The following LGALSL variants were observed in gnomAD, a reference collection of about 807,000 sequenced individuals.
The protein encoded by LGALSL is galectin-related protein.
A neutral mutation model predicts 19.5 loss-of-function variants in LGALSL; 13 were observed. The observed-to-expected ratio is 0.67, with a 90% CI of 0.43 to 1.06. The LOEUF (loss-of-function observed/expected upper bound fraction) is 1.06. LGALSL is among the 50% of genes least tolerant of loss of function. The pLI is 0.00. For synonymous variants in LGALSL, 86 were observed against 78.3 expected, an observed-to-expected ratio of 1.10 and a Z score of -0.52; for missense variants, 189 against 219.3, an observed-to-expected ratio of 0.86 and a Z score of 0.87.
Position 64,456,393 on chromosome 2 carries a change from T to C in LGALSL, c.303T>C (p.Cys101=), listed in dbSNP as rs767755617. The change falls in exon 4 of 5, where the codon TGT becomes TGC. Residue 101 remains cysteine, a synonymous_variant. Coordinates refer to ENST00000238875, the MANE Select transcript of LGALSL (RefSeq NM_014181.3). ...ATCGGCAGCTACTCAGAAATTCTTGTATATCTGGGGAGAGGGGTGAAGAAC... is the reference window on the plus strand; with the variant it reads ...ATCGGCAGCTACTCAGAAATTCTTGCATATCTGGGGAGAGGGGTGAAGAAC... ...FTDRQLLRNS[C]ISGERGEEQS... 3.7e-6 allele frequency: 6 copies of C among 1,612,664 alleles called. No homozygotes were observed. Among genetic ancestry groups the C allele is most frequent in the Non-Finnish European group, 4.2e-6 (5 of 1,179,376 alleles).
In LGALSL at chr2:64,458,323, T is replaced by A; in HGVS notation, c.414T>A (p.Phe138Leu). 6.2e-7 allele frequency: 1 copy of A among 1,614,076 alleles called. No homozygotes were observed. Among genetic ancestry groups the A allele is most frequent in the Middle Eastern group, 1.6e-4 (1 of 6,062 alleles). Reference protein sequence around the residue: ...ILCEHPRFRVFVDGHQLFDFY... With the variant: ...ILCEHPRFRVLVDGHQLFDFY... ...GTGAGCACCCACGTTTCCGAGTGTT[T>A]GTGGATGGACACCAACTTTTTGATT... The change falls in exon 5 of 5, where the codon TTT becomes TTA. Residue 138 changes from phenylalanine to leucine, a missense_variant. Phe to Leu is a conservative substitution (Grantham distance 22). Around this residue, in one of 3 missense-constraint regions of LGALSL, gnomAD observed 106 missense variants for 119.3 expected, o/e 0.89. Transcript: ENST00000238875.
Position 64,457,971 on chromosome 2 carries a change from A to G in LGALSL, c.376-314A>G, listed in dbSNP as rs764780801. Reference sequence around the variant, plus strand: ...GTAATATAAAATAAATGTGACTAGTATCACATATGGAGCCTCCTTACATGG... The same window carrying G: ...GTAATATAAAATAAATGTGACTAGTGTCACATATGGAGCCTCCTTACATGG... On this transcript the variant is annotated intron_variant, in intron 4 of 4. Transcript: ENST00000238875. Among the ~76,000 whole-genome samples, 7 of 152,234 alleles carry G rather than the reference A, an allele frequency of 4.6e-5. No individual in the cohort carries two copies. The East Asian group carries it at 9.6e-4, about 21-fold the overall frequency.
chr2:64,458,523 A>C lies in LGALSL; in HGVS notation c.*95A>C. On this transcript the variant is annotated 3_prime_UTR_variant, in exon 5 of 5. Transcript: ENST00000238875. The stretch of plus-strand genomic sequence containing the variant: ...CCTAGCAAGATCTGGAGACTTAAAA[A>C]GAAAACAAAAACAAATGGCAAGTTT... 1 of 1,286,014 alleles carries C rather than the reference A, an allele frequency of 7.8e-7. No homozygotes were observed. Among genetic ancestry groups the C allele is most frequent in the South Asian group, 1.5e-5 (1 of 66,286 alleles). 79.7% of individuals were successfully genotyped at this position (1,286,014 alleles called of 1,614,324 possible). A position where few individuals can be genotyped will look rare whatever the true frequency, so the allele number is the denominator to read the frequency against.
Position 64,460,944 on chromosome 2 carries a change from C to T in LGALSL, c.*2516C>T, listed in dbSNP as rs1488969321. 1 of 152,102 alleles carries T rather than the reference C, an allele frequency of 6.6e-6. No homozygotes were observed. The highest frequency in any genetic ancestry group is 2.4e-5 in the African/African-American group (1 of 41,412). 9.4% of individuals were successfully genotyped at this position (152,102 alleles called of 1,614,324 possible). On this transcript the variant is annotated 3_prime_UTR_variant, in exon 5 of 5. Coordinates refer to ENST00000238875, the MANE Select transcript of LGALSL (RefSeq NM_014181.3). The stretch of plus-strand genomic sequence containing the variant: ...AGAAAGCAGGCTTTAGACAATCTGT[C>T]CATTTCTACAGTAAAATTGGAGTGA...
intron 4 of LGALSL, among the ~76,000 whole-genome samples, chr2:64,457,600 C>T (rs1686756558): frequency 6.6e-6 from 1 of 152,216 alleles, no homozygotes; most frequent in Admixed American, 6.5e-5. Flanking sequence ...TACCCTTCAT[C>T]TAGAAATTTT....
rs1351005162 is a variant in LGALSL at position 64,454,581 on chromosome 2, G to A, written c.36G>A (p.Val12=). The A allele has an allele frequency of 1.4e-6, 2 of 1,449,062 alleles. No homozygotes were observed. The highest frequency in any genetic ancestry group is 3.0e-5 in the East Asian group (1 of 33,586). The allele number at this position is 1,449,062 out of a possible 1,614,324, so 89.8% of individuals were successfully genotyped here. A position where few individuals can be genotyped will look rare whatever the true frequency, so the allele number is the denominator to read the frequency against. The change falls in exon 1 of 5, where the codon GTG becomes GTA. Residue 12 remains valine (V), a splice_region_variant and synonymous_variant. Transcript: ENST00000238875. This position sits in a 1 kb window ranked among gnomAD's most constrained non-coding sequence, Gnocchi z 5.1. ...AGSVADSDAV[V]KLDDGHLNNS... is the part of the protein sequence containing the mutation. Reference sequence around the variant, plus strand: ...CAGTGGCCGACAGCGATGCCGTGGTGGTGAGTGTGGCAGGGCGCGCGCGAG... The same window carrying A: ...CAGTGGCCGACAGCGATGCCGTGGTAGTGAGTGTGGCAGGGCGCGCGCGAG...
chr2:64,459,357 G>T lies in LGALSL; in HGVS notation c.*929G>T, dbSNP rs146764244. 3.3e-5 allele frequency: 5 copies of T among 152,138 alleles called. No individual in the cohort carries two copies. The highest frequency in any genetic ancestry group is 1.2e-4 in the African/African-American group (5 of 41,426). 9.4% of individuals were successfully genotyped at this position (152,138 alleles called of 1,614,324 possible). A position where few individuals can be genotyped will look rare whatever the true frequency, so the allele number is the denominator to read the frequency against. On this transcript the variant is annotated 3_prime_UTR_variant, in exon 5 of 5. Transcript: ENST00000238875. Reference sequence around the variant, plus strand: ...TGTTATTAATCAAAAACACAAAGAGGTGATTGCTTAGACAATTTTTAAAGT... The same window carrying T: ...TGTTATTAATCAAAAACACAAAGAGTTGATTGCTTAGACAATTTTTAAAGT...
chr2:64,458,509 C>A lies in LGALSL; in HGVS notation c.*81C>A. The A allele has an allele frequency of 1.5e-6, 2 of 1,359,458 alleles. No individual in the cohort carries two copies. The highest frequency in any genetic ancestry group is 1.4e-5 in the South Asian group (1 of 72,060). 84.2% of individuals were successfully genotyped at this position (1,359,458 alleles called of 1,614,324 possible). On this transcript the variant is annotated 3_prime_UTR_variant, in exon 5 of 5. Coordinates refer to ENST00000238875, the MANE Select transcript of LGALSL (RefSeq NM_014181.3). ...TCTGGAAGAAGTGTCCTAGCAAGAT[C>A]TGGAGACTTAAAAAGAAAACAAAAA...
Position 64,455,827 on chromosome 2 carries a change from T to A in LGALSL, c.197+150T>A, listed in dbSNP as rs984507389. The stretch of plus-strand genomic sequence containing the variant: ...AAGTACCATGTTCCCATGAAACGAA[T>A]ATGTATGAATCCCAGCCATCATTTC... On this transcript the variant is annotated intron_variant, in intron 3 of 4. Coordinates refer to ENST00000238875, the MANE Select transcript of LGALSL (RefSeq NM_014181.3). 68 of 663,878 alleles carry A rather than the reference T, an allele frequency of 1.0e-4. 1 individual carries two copies. The highest frequency in any genetic ancestry group is 1.8e-4 in the Non-Finnish European group (64 of 365,224). The allele number at this position is 663,878 out of a possible 1,614,324, so 41.1% of individuals were successfully genotyped here. A position where few individuals can be genotyped will look rare whatever the true frequency, so the allele number is the denominator to read the frequency against.
At chr2:64,455,269 C>T (rs1686715691) in intron 1 of LGALSL, 75 bp from the exon 2 acceptor site, 1 of 937,598 alleles carries the variant, frequency 1.1e-6, no homozygotes, top group South Asian at 1.3e-5. Context: ...GATTCCACCA[C>T]ATCTGTGTGG....
rs745558886 is a variant in LGALSL, at chr2:64,458,468, ACTAT to A, written c.*43_*46del. ...ATTTCAAATAGGATCACGTGCCACA[ACTAT>A]CTGACTGTTGGTCTGGAAGAAGTGT... On this transcript the variant is annotated 3_prime_UTR_variant, in exon 5 of 5. Coordinates refer to ENST00000238875, the MANE Select transcript of LGALSL (RefSeq NM_014181.3). 3 of 1,584,044 alleles carry A rather than the reference ACTAT, an allele frequency of 1.9e-6. No individual in the cohort carries two copies. Among genetic ancestry groups the A allele is most frequent in the Non-Finnish European group, 2.6e-6 (3 of 1,159,508 alleles).
In LGALSL at chr2:64,460,627, G is replaced by A. The variant is rs1686811247; in HGVS notation, c.*2199G>A. On this transcript the variant is annotated 3_prime_UTR_variant, in exon 5 of 5. Transcript: ENST00000238875. ...CAATGTTAACTGTTTGTTTCTCTGTGAGGTTAGTGGGAACCGCTTGGATAA... is the reference window on the plus strand; with the variant it reads ...CAATGTTAACTGTTTGTTTCTCTGTAAGGTTAGTGGGAACCGCTTGGATAA... 1 of 152,210 alleles carries A rather than the reference G, an allele frequency of 6.6e-6. No homozygotes were observed. The highest frequency in any genetic ancestry group is 2.4e-5 in the African/African-American group (1 of 41,452). The allele number at this position is 152,210 out of a possible 1,614,324, so 9.4% of individuals were successfully genotyped here.
rs1270943001 is a variant in LGALSL, at chr2:64,456,449, C to T, written c.359C>T (p.Pro120Leu). 6.3e-7 allele frequency: 1 copy of T among 1,584,006 alleles called. No individual in the cohort carries two copies. Among genetic ancestry groups the T allele is most frequent in the African/African-American group, 1.4e-5 (1 of 73,284 alleles). Reference sequence around the variant, plus strand: ...GCAATCCCTTACTTTCCATTCATTCCAGACCAGCCATTCAGGGTGAGTACC... The same window carrying T: ...GCAATCCCTTACTTTCCATTCATTCTAGACCAGCCATTCAGGGTGAGTACC... ...QSAIPYFPFI[P>L]DQPFRVEILC... Residue 120 changes from proline to leucine, a missense_variant, in exon 4 of 5, where the codon CCA becomes CTA. Around this residue, in one of 3 missense-constraint regions of LGALSL, gnomAD observed 106 missense variants for 119.3 expected, o/e 0.89. Transcript: ENST00000238875.
In LGALSL at chr2:64,454,583, T is replaced by C; in HGVS notation, c.36+2T>C. The C allele has an allele frequency of 6.9e-7, 1 of 1,444,368 alleles. No individual in the cohort carries two copies. Among genetic ancestry groups the C allele is most frequent in the Non-Finnish European group, 9.1e-7 (1 of 1,095,202 alleles). The allele number at this position is 1,444,368 out of a possible 1,614,324, so 89.5% of individuals were successfully genotyped here. A position where few individuals can be genotyped will look rare whatever the true frequency, so the allele number is the denominator to read the frequency against. ...GTGGCCGACAGCGATGCCGTGGTGGTGAGTGTGGCAGGGCGCGCGCGAGGC... is the reference window on the plus strand; with the variant it reads ...GTGGCCGACAGCGATGCCGTGGTGGCGAGTGTGGCAGGGCGCGCGCGAGGC... On this transcript the variant is annotated splice_donor_variant, in intron 1 of 4. Coordinates refer to ENST00000238875, the MANE Select transcript of LGALSL (RefSeq NM_014181.3). LOFTEE classifies it high-confidence loss of function. The surrounding 1 kb of genome is among the most constrained non-coding windows in gnomAD (Gnocchi z 5.1).
chr2:64,458,201 C>A, intron 4 of LGALSL, 84 bp from the exon 5 acceptor site: 1 of 1,283,010 alleles, frequency 7.8e-7, no homozygotes, highest in Non-Finnish European at 1.1e-6. Flanking sequence ...GAAGATACTG[C>A]CTTTCTTTCT....
chr2:64,454,658 G>T lies in LGALSL; in HGVS notation c.36+77G>T. Reference sequence around the variant, plus strand: ...CGCCGCCGCCTGCTCCAGCAGTGCTGGGGTGCTGAGCAGCCGCAGGCCCGG... The same window carrying T: ...CGCCGCCGCCTGCTCCAGCAGTGCTTGGGTGCTGAGCAGCCGCAGGCCCGG... On this transcript the variant is annotated intron_variant, in intron 1 of 4. Coordinates refer to ENST00000238875, the MANE Select transcript of LGALSL (RefSeq NM_014181.3). This position sits in a 1 kb window ranked among gnomAD's most constrained non-coding sequence, Gnocchi z 5.1. 9 of 1,076,040 alleles carry T rather than the reference G, an allele frequency of 8.4e-6. No homozygotes were observed. The highest frequency in any genetic ancestry group is 9.5e-6 in the Non-Finnish European group (8 of 844,864). The allele number at this position is 1,076,040 out of a possible 1,614,324, so 66.7% of individuals were successfully genotyped here. A position where few individuals can be genotyped will look rare whatever the true frequency, so the allele number is the denominator to read the frequency against.
In LGALSL at chr2:64,461,172, C is replaced by T. The variant is rs1309503844; in HGVS notation, c.*2744C>T. 6.6e-6 allele frequency: 1 copy of T among 151,992 alleles called. No individual in the cohort carries two copies. Among genetic ancestry groups the T allele is most frequent in the African/African-American group, 2.4e-5 (1 of 41,370 alleles). 9.4% of individuals were successfully genotyped at this position (151,992 alleles called of 1,614,324 possible). On this transcript the variant is annotated 3_prime_UTR_variant, in exon 5 of 5. Transcript: ENST00000238875. ...TTTCATTTGTGTTAAAAAGAAAATA[C>T]CCAAAAGGAAGGAGGGAGCCCTGTT...
In LGALSL at chr2:64,461,120, T is replaced by A. The variant is rs964383590; in HGVS notation, c.*2692T>A. On this transcript the variant is annotated 3_prime_UTR_variant, in exon 5 of 5. Coordinates refer to ENST00000238875, the MANE Select transcript of LGALSL (RefSeq NM_014181.3). ...GCCCCCTGAGAGATCACTTTTAGAA[T>A]TGAGGATTTGTTAAAATGGCAAGTC... is the stretch of plus-strand genomic sequence containing the variant. The A allele has an allele frequency of 1.3e-5, 2 of 152,168 alleles. No homozygotes were observed. Among genetic ancestry groups the A allele is most frequent in the African/African-American group, 4.8e-5 (2 of 41,430 alleles). 9.4% of individuals were successfully genotyped at this position (152,168 alleles called of 1,614,324 possible).
At chr2:64,455,069 T>TC (rs1377919107) in intron 1 of LGALSL, among the ~76,000 whole-genome samples, 4 of 152,100 alleles carry the variant, frequency 2.6e-5, no homozygotes, top group African/African-American at 9.7e-5. Flanking sequence ...CCTGCCCTCC[T>TC]CCGGCGTGGG....
Sources: gnomAD v4.1 joint callset for allele counts (sites outside exome capture counted in the v4.1 genomes callset) on GRCh38, gnomAD v4.1.1 for gene constraint, gnomAD v4.1.1 regional missense constraint, Gnocchi (gnomAD v3.1) non-coding constraint, MANE v1.5 for transcripts, NCBI Gene and HGNC (gene_info 2026-07-23, HGNC 2026-07-21) for gene names.